Variants in AGBL4 observed in about 807,000 individuals in gnomAD.
AGBL4 encodes the protein cytosolic carboxypeptidase 6.
Under a neutral mutation model 66.4 loss-of-function variants are expected in AGBL4, and 58 were observed. That is an observed-to-expected ratio of 0.87 (90% CI 0.71 to 1.09). The LOEUF (loss-of-function observed/expected upper bound fraction) is 1.09. AGBL4 is among the 50% of genes least tolerant of loss of function. The pLI, the probability that AGBL4 is intolerant of heterozygous loss-of-function variation, is 0.00. For synonymous variants in AGBL4, 234 were observed against 222.9 expected (o/e 1.05, Z -0.44); for missense variants, 579 against 631.0 (o/e 0.92, Z 0.88).
At chr1:49,511,610 AAAAATTT>A (rs1424118362) in intron 3 of AGBL4, among the ~76,000 whole-genome samples, 3 of 151,894 alleles carry the variant, frequency 2.0e-5, no homozygotes, top group Admixed American at 1.3e-4. Flanking sequence ...TATAATTAAA[AAAAATTT>A]TTTTTTAAAA....
Position 49,418,560 on chromosome 1 carries a change from T to A in AGBL4, c.283-172696A>T, listed in dbSNP as rs534877027. ...ACAACAACAAAAAACCAAGACTCAG[T>A]GGAGTCAGGGACAATTTTCTTGTAG... On this transcript the variant is annotated intron_variant, in intron 3 of 13. Coordinates refer to ENST00000371839, the MANE Select transcript of AGBL4 (RefSeq NM_032785.4). Among the ~76,000 whole-genome samples the A allele has an allele frequency of 3.9e-5, 6 of 152,226 alleles. 1 individual carries two copies. In the South Asian group the frequency reaches 1.2e-3, roughly 32 times the overall value.
At chr1:49,742,251 C>T (rs1274451127) in intron 2 of AGBL4, among the ~76,000 whole-genome samples, 1 of 150,158 alleles carries the variant, frequency 6.7e-6, no homozygotes, top group African/African-American at 2.4e-5. Context: ...TTCTTATACA[C>T]CAATAACAGA....
chr1:49,310,160 A>G (rs1644918791), intron 3 of AGBL4, among the ~76,000 whole-genome samples: 1 of 152,088 alleles, frequency 6.6e-6, no homozygotes, highest in African/African-American at 2.4e-5. Flanking sequence ...AATGAGGGAC[A>G]ATATAGTAAG....
Position 49,045,662 on chromosome 1 carries a change from A to G in AGBL4, c.516T>C (p.Thr172=), listed in dbSNP as rs1384183214. 4.4e-6 allele frequency: 7 copies of G among 1,588,310 alleles called. No individual in the cohort carries two copies. Among genetic ancestry groups the G allele is most frequent in the African/African-American group, 1.3e-5 (1 of 74,488 alleles). ...GGCTGTCAAGGTAATGTTGGAAGCG[A>G]GTGTATGTATATGGGTAGCAGTAAG... ...QFAYCYPYTY[T]RFQHYLDSLQ... Residue 172 remains threonine, a synonymous_variant, in exon 5 of 14, where the codon ACT becomes ACC. Coordinates refer to ENST00000371839, the MANE Select transcript of AGBL4 (RefSeq NM_032785.4).
At chr1:49,050,950 CT>C (rs1644198434) in intron 4 of AGBL4, among the ~76,000 whole-genome samples, 1 of 152,104 alleles carries the variant, frequency 6.6e-6, no homozygotes, top group Non-Finnish European at 1.5e-5. Context: ...GACCTCTCAG[CT>C]AAATTCCCAA....
chr1:49,207,495 T>TC (rs1228454415), intron 4 of AGBL4, among the ~76,000 whole-genome samples: 4 of 149,602 alleles, frequency 2.7e-5, no homozygotes, highest in African/African-American at 9.9e-5. Context: ...TTTCTTTCTT[T>TC]TCTTTCTTTC....
chr1:49,099,035 G>T (rs373005076), intron 4 of AGBL4, among the ~76,000 whole-genome samples: 1 of 152,138 alleles, frequency 6.6e-6, no homozygotes, highest in Admixed American at 6.5e-5. Context: ...AGAGGAAGGC[G>T]AATGGGAAAG....
At chr1:48,955,007 T>C (rs1424836259) in intron 5 of AGBL4, among the ~76,000 whole-genome samples, 1 of 152,210 alleles carries the variant, frequency 6.6e-6, no homozygotes. Flanking sequence ...TTAAGTGGTG[T>C]GCACAGGGGC....
At chr1:50,022,290 A>G (rs1016143219) in intron 1 of AGBL4, among the ~76,000 whole-genome samples, 8 of 152,206 alleles carry the variant, frequency 5.3e-5, no homozygotes, top group African/African-American at 1.9e-4. Context: ...TTCAAAGGCA[A>G]TAAATGCTAT....
intron 1 of AGBL4, among the ~76,000 whole-genome samples, chr1:49,938,605 T>C (rs899828809): frequency 6.6e-6 from 1 of 152,154 alleles, no homozygotes; most frequent in Admixed American, 6.5e-5. Flanking sequence ...AATAAAATAC[T>C]GGCAAACCGA....
At chr1:49,570,463 G>A (rs903546463) in intron 3 of AGBL4, among the ~76,000 whole-genome samples, 1 of 151,926 alleles carries the variant, frequency 6.6e-6, no homozygotes, top group African/African-American at 2.4e-5. Context: ...GTGGTTTTTT[G>A]ACTTCCTTGT....
At chr1:49,566,284 C>G (rs12079882) in intron 3 of AGBL4, among the ~76,000 whole-genome samples, 1 of 152,130 alleles carries the variant, frequency 6.6e-6, no homozygotes, top group Non-Finnish European at 1.5e-5. Context: ...TCTTCTGAAG[C>G]CTTCTTCTCT....
At chr1:48,675,848 T>C (rs1332389405) in intron 6 of AGBL4, among the ~76,000 whole-genome samples, 1 of 152,244 alleles carries the variant, frequency 6.6e-6, no homozygotes, top group Non-Finnish European at 1.5e-5. Flanking sequence ...TCAGAAACAT[T>C]TGAGCAGTTC....
Position 49,371,680 on chromosome 1 carries a change from T to C in AGBL4, c.283-125816A>G, listed in dbSNP as rs371953316. Among the ~76,000 whole-genome samples, 20 of 152,246 alleles carry C rather than the reference T, an allele frequency of 1.3e-4. No homozygotes were observed. The East Asian group carries it at 3.7e-3, about 28-fold the overall frequency. ...CCTGGCCCTCTAGAGTGTATCTCTA[T>C]CCCCGTATATGTTATAAAATTCTAG... is the stretch of plus-strand genomic sequence containing the variant. On this transcript the variant is annotated intron_variant, in intron 3 of 13. Coordinates refer to ENST00000371839, the MANE Select transcript of AGBL4 (RefSeq NM_032785.4).
intron 3 of AGBL4, among the ~76,000 whole-genome samples, chr1:49,631,267 G>A (rs1645564657): frequency 6.6e-6 from 1 of 152,170 alleles, no homozygotes; most frequent in Non-Finnish European, 1.5e-5. Context: ...AACAAGTCCT[G>A]AATCTGCTTC....
At chr1:49,618,013 A>T (rs1284558953) in intron 3 of AGBL4, among the ~76,000 whole-genome samples, 1 of 151,886 alleles carries the variant, frequency 6.6e-6, no homozygotes, top group Non-Finnish European at 1.5e-5. Context: ...CAGCCTCCCA[A>T]CACCCGACAC....
intron 5 of AGBL4, among the ~76,000 whole-genome samples, chr1:48,944,131 T>C (rs959168562): frequency 6.6e-6 from 1 of 152,012 alleles, no homozygotes; most frequent in Admixed American, 6.6e-5. Flanking sequence ...CATGTAGAAA[T>C]AGTCAAGGTA....
chr1:49,950,707 T>C (rs1656079879), intron 1 of AGBL4, among the ~76,000 whole-genome samples: 1 of 151,724 alleles, frequency 6.6e-6, no homozygotes, highest in African/African-American at 2.4e-5. Context: ...AAAACTATCA[T>C]ATGACCCAGC....
intron 4 of AGBL4, among the ~76,000 whole-genome samples, chr1:49,165,113 G>A (rs1646610548): frequency 6.6e-6 from 1 of 152,144 alleles, no homozygotes; most frequent in South Asian, 2.1e-4. Context: ...GACTAGGAGT[G>A]TTAAGCATTT....
Sources: gnomAD v4.1 joint callset for allele counts (sites outside exome capture counted in the v4.1 genomes callset) on GRCh38, gnomAD v4.1.1 for gene constraint, MANE v1.5 for transcripts, NCBI Gene and HGNC (gene_info 2026-07-23, HGNC 2026-07-21) for gene names.